HOMER2: variants seen among roughly 807,000 people sequenced by gnomAD.
HOMER2 encodes the protein homer protein homolog 2.
Under a neutral mutation model 47.0 loss-of-function variants are expected in HOMER2, and 27 were observed. That is an observed-to-expected ratio of 0.57 (90% CI 0.42 to 0.79). The LOEUF is 0.79. HOMER2 is among the 30% of genes least tolerant of loss of function. The pLI, the probability that HOMER2 is intolerant of heterozygous loss-of-function variation, is 0.00. For synonymous variants in HOMER2, 161 were observed against 163.8 expected (o/e 0.98, Z 0.13); for missense variants, 443 against 435.0 (o/e 1.02, Z -0.16).
intron 1 of HOMER2, among the ~76,000 whole-genome samples, chr15:82,980,040 C>G (rs957944572): frequency 5.3e-5 from 8 of 151,810 alleles, no homozygotes; most frequent in African/African-American, 1.9e-4. Context: ...AAGTGGCAGG[C>G]AGAGGAAGAG....
intron 2 of HOMER2, among the ~76,000 whole-genome samples, chr15:82,877,851 AG>A (rs2052398714): frequency 1.9e-5 from 2 of 105,448 alleles, no homozygotes; most frequent in African/African-American, 7.3e-5. Flanking sequence ...GCAGGGAAGC[AG>A]GGCGTGGAAA....
chr15:82,881,924 T>G (rs556118360), intron 2 of HOMER2, among the ~76,000 whole-genome samples: 1 of 152,326 alleles, frequency 6.6e-6, no homozygotes, highest in South Asian at 2.1e-4. Flanking sequence ...AGGCAAGTCT[T>G]GTCCACAGGC....
At chr15:82,862,841 C>T (rs1184765259) in intron 4 of HOMER2, among the ~76,000 whole-genome samples, 2 of 152,160 alleles carry the variant, frequency 1.3e-5, no homozygotes, top group East Asian at 3.9e-4. Flanking sequence ...CTGAGCCACA[C>T]CAAATCTCCT....
intron 5 of HOMER2, among the ~76,000 whole-genome samples, chr15:82,855,107 C>A (rs147600489): frequency 6.6e-6 from 1 of 151,948 alleles, no homozygotes; most frequent in African/African-American, 2.4e-5. Context: ...GAGGCCGAGG[C>A]GGGCGGATCA....
intron 3 of HOMER2, among the ~76,000 whole-genome samples, chr15:82,869,450 C>CTTTT (rs71822678): frequency 0.063 from 4,407 of 70,300 alleles, 1,350 homozygotes; most frequent in African/African-American, 0.2. Flanking sequence ...TACTAAACAT[C>CTTTT]TTTTTTTTTT....
intron 1 of HOMER2, among the ~76,000 whole-genome samples, chr15:82,985,032 G>C (rs1162496845): frequency 6.6e-6 from 1 of 152,166 alleles, no homozygotes; most frequent in East Asian, 1.9e-4. Flanking sequence ...TCTAGGTAGA[G>C]ATGTCACTTT....
At chr15:82,861,807 G>C (rs1395241832) in intron 4 of HOMER2, among the ~76,000 whole-genome samples, 2 of 152,056 alleles carry the variant, frequency 1.3e-5, no homozygotes, top group Non-Finnish European at 2.9e-5. Context: ...AGAAGCTTGA[G>C]ATCAGCCTGA....
In HOMER2 at chr15:82,919,334, C is replaced by A. The variant is rs939634027; in HGVS notation, c.6-26493G>T. On this transcript the variant is annotated intron_variant, in intron 1 of 8. Coordinates refer to ENST00000450735, the MANE Select transcript of HOMER2 (RefSeq NM_004839.4). ...CTCAGGGAAGTCACAACGGGTTGCT[C>A]GTCCATACAGGATCAAGGACAGGTT... is the stretch of plus-strand genomic sequence containing the variant. Among the ~76,000 whole-genome samples the A allele has an allele frequency of 2.0e-5, 3 of 152,210 alleles. No homozygotes were observed. The South Asian group carries it at 6.2e-4, about 31-fold the overall frequency.
chr15:82,889,076 CCAA>C (rs900583088), intron 2 of HOMER2, among the ~76,000 whole-genome samples: 9 of 152,288 alleles, frequency 5.9e-5, no homozygotes, highest in African/African-American at 2.2e-4. Flanking sequence ...TGTGGCCCAG[CCAA>C]CAGAGAGAGG....
intron 1 of HOMER2, among the ~76,000 whole-genome samples, chr15:82,943,346 T>C (rs1596375016): frequency 2.0e-5 from 3 of 152,130 alleles, no homozygotes; most frequent in African/African-American, 4.8e-5. Context: ...CGGTGCTCCA[T>C]GACAATGCAG....
At chr15:82,873,277 G>C (rs2052236595) in intron 3 of HOMER2, among the ~76,000 whole-genome samples, 1 of 152,168 alleles carries the variant, frequency 6.6e-6, no homozygotes, top group Admixed American at 6.5e-5. Flanking sequence ...GGGGAAGAGT[G>C]ATTTATCATC....
chr15:82,955,017 C>G (rs568481866), upstream of HOMER2, among the ~76,000 whole-genome samples: 5 of 152,044 alleles, frequency 3.3e-5, no homozygotes, highest in African/African-American at 2.4e-5. Flanking sequence ...ACCTCGTGAT[C>G]GGCCCACCTC....
At chr15:82,964,159 C>T (rs2025614770) in intron 1 of HOMER2, among the ~76,000 whole-genome samples, 1 of 152,202 alleles carries the variant, frequency 6.6e-6, no homozygotes, top group Non-Finnish European at 1.5e-5. Flanking sequence ...GAGGAAGACA[C>T]TGGACACCAA....
chr15:82,917,304 C>T (rs1308192225), intron 1 of HOMER2, among the ~76,000 whole-genome samples: 1 of 152,218 alleles, frequency 6.6e-6, no homozygotes, highest in East Asian at 1.9e-4. Flanking sequence ...AAACGGTTTT[C>T]TAATCTGCAG....
At chr15:82,861,865 T>C (rs2051802663) in intron 4 of HOMER2, among the ~76,000 whole-genome samples, 2 of 151,814 alleles carry the variant, frequency 1.3e-5, no homozygotes, top group Non-Finnish European at 2.9e-5. Context: ...AAAAAATTAG[T>C]CGGGTGTGGT....
intron 1 of HOMER2, among the ~76,000 whole-genome samples, chr15:82,909,484 G>A (rs2053391083): frequency 6.6e-6 from 1 of 152,130 alleles, no homozygotes; most frequent in African/African-American, 2.4e-5. Context: ...TGGCGGGAGG[G>A]ATGGTTACAG....
At chr15:82,957,047 C>T (rs781502135), upstream of HOMER2, among the ~76,000 whole-genome samples, 12 of 152,056 alleles carry the variant, frequency 7.9e-5, no homozygotes, top group South Asian at 4.2e-4. Flanking sequence ...GAGGCTGAGC[C>T]GGGTAGATCA....
Position 82,854,637 on chromosome 15 carries a change from T to TACC in HOMER2, c.651+4_651+6dup. On this transcript the variant is annotated splice_region_variant and intron_variant, in intron 6 of 8. Coordinates refer to ENST00000450735, the MANE Select transcript of HOMER2 (RefSeq NM_004839.4). ...GCCTCGGGGCTCACTGCATCCACCG[T>TACC]ACCCACCTTGTTGCGGAGCCGGTCA... 1 of 1,610,772 alleles carries TACC rather than the reference T, an allele frequency of 6.2e-7. No homozygotes were observed. The highest frequency in any genetic ancestry group is 8.5e-7 in the Non-Finnish European group (1 of 1,178,856).
chr15:82,971,867 C>A (rs764809258), intron 1 of HOMER2, among the ~76,000 whole-genome samples: 7 of 152,158 alleles, frequency 4.6e-5, no homozygotes, highest in Non-Finnish European at 8.8e-5. Flanking sequence ...ACAGACTACT[C>A]AAAGGTAGAT....
Sources: gnomAD v4.1 joint callset for allele counts (sites outside exome capture counted in the v4.1 genomes callset) on GRCh38, gnomAD v4.1.1 for gene constraint, MANE v1.5 for transcripts, NCBI Gene and HGNC (gene_info 2026-07-23, HGNC 2026-07-21) for gene names.